Variants in BICRA observed in about 807,000 individuals in gnomAD.
BICRA encodes BRD4 interacting chromatin remodeling complex associated protein.
BICRA carries 31 observed loss-of-function variants against 96.9 expected under a neutral mutation model. The observed-to-expected ratio is 0.32, with a 90% CI of 0.24 to 0.43. The LOEUF (loss-of-function observed/expected upper bound fraction) is 0.43, where lower values mean the gene tolerates loss of function less well. Ranked by LOEUF, BICRA falls within the 20% of genes least tolerant of loss-of-function variation. The pLI is 1.00. For synonymous variants in BICRA, 1,350 were observed against 1,071.8 expected, an observed-to-expected ratio of 1.26 and a Z score of -5.07; for missense variants, 2,283 against 2,190.3, an observed-to-expected ratio of 1.04 and a Z score of -0.84.
intron 7 of BICRA, among the ~76,000 whole-genome samples, chr19:47,686,752 T>G (rs1973165309): frequency 6.6e-6 from 1 of 152,158 alleles, no homozygotes; most frequent in Non-Finnish European, 1.5e-5. Context: ...ATGGTTACTA[T>G]GTGTAGGGGT....
intron 1 of BICRA, among the ~76,000 whole-genome samples, chr19:47,666,503 CT>C (rs1034306731): frequency 1.2e-4 from 18 of 152,234 alleles, no homozygotes; most frequent in African/African-American, 3.9e-4. Flanking sequence ...TCTTGAACTC[CT>C]GACCTCAGTT....
rs754707949 is a variant in BICRA, at chr19:47,696,518, T to C, written c.3248+6T>C. ...CAGCCCAGCAAGGAAGCCTGGTGAG[T>C]CCACACCCCATCCTTGCATGCCTGC... On this transcript the variant is annotated splice_donor_region_variant and intron_variant, in intron 11 of 14. Transcript: ENST00000594866. The C allele has an allele frequency of 7.5e-6, 12 of 1,598,804 alleles. No individual in the cohort carries two copies. The highest frequency in any genetic ancestry group is 9.4e-6 in the Non-Finnish European group (11 of 1,172,900).
intron 11 of BICRA, among the ~76,000 whole-genome samples, chr19:47,696,851 G>A (rs925028949): frequency 4.6e-5 from 7 of 152,066 alleles, no homozygotes; most frequent in African/African-American, 1.7e-4. Context: ...AGTGATGGGT[G>A]GGGGAAGTGA....
At chr19:47,674,088 A>T (rs1972906244) in intron 4 of BICRA, among the ~76,000 whole-genome samples, 1 of 152,222 alleles carries the variant, frequency 6.6e-6, no homozygotes, top group South Asian at 2.1e-4. Context: ...GCTCCTTTAG[A>T]TAGTGTGATC....
rs369020567 is a variant in BICRA at position 47,656,503 on chromosome 19, T to C, written c.-107-13940T>C. ...TTGTATTTCCCCCAGGAGACATGGT[T>C]AATGTCTAAGTATTTGCTAATCCAA... On this transcript the variant is annotated intron_variant, in intron 1 of 14. Transcript: ENST00000594866. Among the ~76,000 whole-genome samples the C allele has an allele frequency of 2.6e-4, 40 of 152,310 alleles. No individual in the cohort carries two copies. In the East Asian group the frequency reaches 6.0e-3, roughly 23 times the overall value.
chr19:47,693,795 A>G (rs1973277707), intron 7 of BICRA, among the ~76,000 whole-genome samples: 1 of 151,556 alleles, frequency 6.6e-6, no homozygotes, highest in Non-Finnish European at 1.5e-5. Flanking sequence ...TGCCACCCCA[A>G]CCCTGCAGGG....
rs376552851 is a variant in BICRA, at chr19:47,698,754, C to T, written c.3369C>T (p.Ala1123=). ...RLLPYHVYQG[A]LPSPSDYHKV... ...TGCCCTACCATGTCTACCAGGGCGC[C>T]CTCCCCTCCCCCAGTGACTACCACA... The change falls in exon 12 of 15, where the codon GCC becomes GCT. Residue 1123 remains alanine (A), a synonymous_variant. Transcript: ENST00000594866. The surrounding 1 kb of genome is among the most constrained non-coding windows in gnomAD (Gnocchi z 4.8). 287 of 1,609,160 alleles carry T rather than the reference C, an allele frequency of 1.8e-4. No individual in the cohort carries two copies. Among genetic ancestry groups the T allele is most frequent in the Non-Finnish European group, 2.3e-4 (269 of 1,177,234 alleles).
intron 1 of BICRA, among the ~76,000 whole-genome samples, chr19:47,630,828 A>G (rs1299480802): frequency 6.6e-6 from 1 of 152,124 alleles, no homozygotes; most frequent in African/African-American, 2.4e-5. Context: ...CTTTTGGAGG[A>G]GCAGTGGCTA....
chr19:47,624,546 T>C (rs1210105699), intron 1 of BICRA, among the ~76,000 whole-genome samples: 1 of 152,186 alleles, frequency 6.6e-6, no homozygotes, highest in African/African-American at 2.4e-5. Context: ...ATGCTGATAC[T>C]GACATGAAGT....
intron 1 of BICRA, among the ~76,000 whole-genome samples, chr19:47,633,450 C>G (rs1008373365): frequency 6.6e-6 from 1 of 151,998 alleles, no homozygotes; most frequent in African/African-American, 2.4e-5. Flanking sequence ...AGTATTCCTC[C>G]CCTCAGCCTC....
intron 1 of BICRA, chr19:47,616,008 A>G (rs1971979055): frequency 6.6e-6 from 1 of 152,346 alleles, no homozygotes; most frequent in South Asian, 2.1e-4. Context: ...AAAGGTCCCC[A>G]TTGTCTTCCT....
At chr19:47,669,847 C>T (rs996817613) in intron 1 of BICRA, among the ~76,000 whole-genome samples, 1 of 151,484 alleles carries the variant, frequency 6.6e-6, no homozygotes, top group Non-Finnish European at 1.5e-5. Context: ...TAGTAGAGAC[C>T]GGGTTTCACC....
chr19:47,694,167 T>G lies in BICRA; in HGVS notation c.2336T>G (p.Leu779Arg). ...CCAGGCCCCTCTTCGTCCCCGTCAC[T>G]ACCTCACCAGGCCCCTCTGGGGGAC... ...KGPGPSSSPS[L>R]PHQAPLGDSP... Residue 779 changes from leucine to arginine, a missense_variant, in exon 8 of 15, where the codon CTA becomes CGA. Physicochemically the swap from Leu to Arg is moderately radical, Grantham distance 102 (BLOSUM62 -2). Coordinates refer to ENST00000594866, the MANE Select transcript of BICRA (RefSeq NM_001394372.1). 3.0e-6 allele frequency: 4 copies of G among 1,326,158 alleles called. No homozygotes were observed. Among genetic ancestry groups the G allele is most frequent in the Non-Finnish European group, 3.9e-6 (4 of 1,015,376 alleles). 82.1% of individuals were successfully genotyped at this position (1,326,158 alleles called of 1,614,324 possible).
chr19:47,667,209 G>A (rs560127093), intron 1 of BICRA, among the ~76,000 whole-genome samples: 7 of 152,136 alleles, frequency 4.6e-5, no homozygotes, highest in South Asian at 2.1e-4. Context: ...TAGTAGAGAC[G>A]GGGTTTCACC....
rs1261189382 is a variant in BICRA at position 47,680,689 on chromosome 19, G to A, written c.1519G>A (p.Gly507Arg). The change falls in exon 6 of 15, where the codon GGA (glycine) becomes AGA (arginine). Residue 507 changes from glycine to arginine, a missense_variant. Transcript: ENST00000594866. Reference protein sequence around the residue: ...ILAAAAPHTGGQLIANPILTN... With the variant: ...ILAAAAPHTGRQLIANPILTN... ...GGCGGCCGCTGCCCCCCACACAGGT[G>A]GACAGCTCATCGCGAACCCCATCCT... 3 of 1,603,040 alleles carry A rather than the reference G, an allele frequency of 1.9e-6. No individual in the cohort carries two copies.
intron 1 of BICRA, among the ~76,000 whole-genome samples, chr19:47,666,291 T>C (rs772154197): frequency 1.8e-4 from 15 of 82,992 alleles, no homozygotes; most frequent in Non-Finnish European, 3.0e-4. Flanking sequence ...TCTTTTTCTT[T>C]TTCTTCTTTT....
intron 10 of BICRA, 47 bp downstream of exon 10, chr19:47,695,521 G>C: frequency 1.2e-6 from 1 of 832,932 alleles, no homozygotes; most frequent in Non-Finnish European, 2.0e-6. Context: ...AGGAGTCTTC[G>C]GGAACTGGGA....
intron 1 of BICRA, among the ~76,000 whole-genome samples, chr19:47,619,707 AG>A (rs1972037193): frequency 6.6e-6 from 1 of 152,118 alleles, no homozygotes. Flanking sequence ...AGACCAGCCT[AG>A]GCAACATAAT....
chr19:47,635,975 A>G (rs1019112889), intron 1 of BICRA, among the ~76,000 whole-genome samples: 12 of 152,194 alleles, frequency 7.9e-5, no homozygotes, highest in African/African-American at 2.9e-4. Context: ...TTGCTTTCTG[A>G]TGGTTCAGTG....
Sources: gnomAD v4.1 joint callset for allele counts (sites outside exome capture counted in the v4.1 genomes callset) on GRCh38, gnomAD v4.1.1 for gene constraint, Gnocchi (gnomAD v3.1) non-coding constraint, MANE v1.5 for transcripts, NCBI Gene and HGNC (gene_info 2026-07-23, HGNC 2026-07-21) for gene names.